The following GAPDHS variants were observed in gnomAD, a reference collection of about 807,000 sequenced individuals.
GAPDHS encodes the protein glyceraldehyde-3-phosphate dehydrogenase, spermatogenic, also known as glyceraldehyde-3-phosphate dehydrogenase, testis-specific.
A neutral mutation model predicts 48.7 loss-of-function variants in GAPDHS; 42 were observed. The ratio of observed to expected loss-of-function variants is 0.86; its 90% CI spans 0.67 to 1.12. GAPDHS has a LOEUF of 1.12. GAPDHS is among the 50% of genes most tolerant of loss of function. The probability of loss-of-function intolerance (pLI) is 0.00; values close to 1 mark genes in which losing one functional copy is unlikely to be tolerated. For synonymous variants in GAPDHS, 166 were observed against 219.1 expected, an observed-to-expected ratio of 0.76 and a Z score of 2.14; for missense variants, 512 against 557.7, an observed-to-expected ratio of 0.92 and a Z score of 0.82.
intron 2 of GAPDHS, among the ~76,000 whole-genome samples, chr19:35,537,320 G>T (rs140375374): frequency 3.9e-5 from 6 of 152,314 alleles, no homozygotes; most frequent in Non-Finnish European, 8.8e-5. Context: ...GGACCAGAGT[G>T]ATGAGACACA....
intron 7 of GAPDHS, 48 bp downstream of exon 7, chr19:35,543,074 C>A: frequency 7.1e-7 from 1 of 1,404,098 alleles, no homozygotes; most frequent in Non-Finnish European, 1.0e-6. Context: ...CAGGGAAACC[C>A]AACTTCTTCC....
At position 35,542,396 on chromosome 19, in the gene GAPDHS, TA is replaced by T; in HGVS notation, c.528del (p.Gln177ArgfsTer40). The T allele has an allele frequency of 6.2e-7, 1 of 1,602,880 alleles. No individual in the cohort carries two copies. The highest frequency in any genetic ancestry group is 2.2e-5 in the East Asian group (1 of 44,872). ...VVESTGVYLS[I>X]QAASDHISAG... is the part of the protein sequence containing the mutation. ...GAGTCCACAGGCGTGTACCTCTCCA[TA>T]CAGGCAGCTTCGGTAAGCTGGGGAG... On this transcript the variant is annotated frameshift_variant, in exon 5 of 11. Transcript: ENST00000222286. LOFTEE classifies it high-confidence loss of function.
Position 35,543,337 on chromosome 19 carries a change from A to G in GAPDHS, c.742-3A>G. 2 of 1,610,520 alleles carry G rather than the reference A, an allele frequency of 1.2e-6. No individual in the cohort carries two copies. Among genetic ancestry groups the G allele is most frequent in the Non-Finnish European group, 1.7e-6 (2 of 1,179,038 alleles). ...CCTCATCTTGGTCCTTCTCTTCCCC[A>G]AGACCACAGTCCATTCCTACACGGC... On this transcript the variant is annotated splice_polypyrimidine_tract_variant and splice_region_variant and intron_variant, in intron 7 of 10. Transcript: ENST00000222286.
chr19:35,538,429 C>A, intron 3 of GAPDHS, 26 bp downstream of exon 3: 1 of 1,365,504 alleles, frequency 7.3e-7, no homozygotes, highest in Non-Finnish European at 1.0e-6. Flanking sequence ...AGGGCAGGAA[C>A]AGCAGGGTGG....
In GAPDHS at chr19:35,538,564, C is replaced by G; in HGVS notation, c.343-13C>G. 2 of 1,536,732 alleles carry G rather than the reference C, an allele frequency of 1.3e-6. No individual in the cohort carries two copies. The highest frequency in any genetic ancestry group is 1.8e-6 in the Non-Finnish European group (2 of 1,109,790). ...TGCCACCCCAAGACTAGGAGCCATTCCATCCCCCACAGGTGTACATGTTTA... is the reference window on the plus strand; with the variant it reads ...TGCCACCCCAAGACTAGGAGCCATTGCATCCCCCACAGGTGTACATGTTTA... On this transcript the variant is annotated splice_polypyrimidine_tract_variant and intron_variant, in intron 3 of 10. Coordinates refer to ENST00000222286, the MANE Select transcript of GAPDHS (RefSeq NM_014364.5).
At position 35,545,203 on chromosome 19, in the gene GAPDHS, C is replaced by T; in HGVS notation, c.*33C>T. On this transcript the variant is annotated 3_prime_UTR_variant, in exon 11 of 11. Coordinates refer to ENST00000222286, the MANE Select transcript of GAPDHS (RefSeq NM_014364.5). Reference sequence around the variant, plus strand: ...AGGTCCTTTCTTTCCTTCCCAGGGGCCGGGGCCGGAACATGTGCCTCCCGT... The same window carrying T: ...AGGTCCTTTCTTTCCTTCCCAGGGGTCGGGGCCGGAACATGTGCCTCCCGT... 1 of 1,575,188 alleles carries T rather than the reference C, an allele frequency of 6.3e-7. No homozygotes were observed. Among genetic ancestry groups the T allele is most frequent in the Non-Finnish European group, 8.7e-7 (1 of 1,144,550 alleles).
Position 35,536,927 on chromosome 19 carries a change from AC to A in GAPDHS, c.186del (p.Ala63LeufsTer14). On this transcript the variant is annotated frameshift_variant, in exon 2 of 11. Transcript: ENST00000222286. LOFTEE classifies it high-confidence loss of function. ...IKPPPPPLPP[H>X]PATPPPKMVS... ...CCACCACCGCCACCACTGCCTCCTC[AC>A]CCCGCTACTCCTCCTCCTAAGATGG... is the stretch of plus-strand genomic sequence containing the variant. The A allele has an allele frequency of 6.2e-7, 1 of 1,613,618 alleles. No individual in the cohort carries two copies. Among genetic ancestry groups the A allele is most frequent in the African/African-American group, 1.3e-5 (1 of 74,844 alleles).
chr19:35,537,104 C>T lies in GAPDHS; in HGVS notation c.245+114C>T, dbSNP rs528846037. 5 of 889,948 alleles carry T rather than the reference C, an allele frequency of 5.6e-6. No homozygotes were observed. In the East Asian group the frequency reaches 1.3e-4, roughly 23 times the overall value. 55.1% of individuals were successfully genotyped at this position (889,948 alleles called of 1,614,324 possible). ...CCCATCAATGCTTTCGTTCCGACGA[C>T]CCTGGAGAAATAGCCCGGAGCAAGG... On this transcript the variant is annotated intron_variant, in intron 2 of 10. Transcript: ENST00000222286.
intron 2 of GAPDHS, among the ~76,000 whole-genome samples, chr19:35,537,211 G>C (rs1420648175): frequency 6.6e-6 from 1 of 152,238 alleles, no homozygotes; most frequent in Non-Finnish European, 1.5e-5. Flanking sequence ...AGTAGAGTGT[G>C]CTGGGAACAG....
At chr19:35,543,199 G>A (rs1318291924) in intron 7 of GAPDHS, 141 bp from the exon 8 acceptor site, 10 of 1,100,258 alleles carry the variant, frequency 9.1e-6, no homozygotes, top group African/African-American at 1.6e-5. Flanking sequence ...GCTGGACCCT[G>A]GCCTGCACAC....
chr19:35,542,649 G>A (rs1229076792), intron 6 of GAPDHS, 41 bp downstream of exon 6: 4 of 1,343,042 alleles, frequency 3.0e-6, no homozygotes, highest in African/African-American at 2.9e-5. Flanking sequence ...TGGAAGGGAG[G>A]GTAGACTCGT....
chr19:35,536,709 T>A, intron 1 of GAPDHS, 104 bp from the exon 2 acceptor site: 1 of 923,320 alleles, frequency 1.1e-6, no homozygotes, highest in South Asian at 1.8e-5. Context: ...AAATGGTTGG[T>A]CACGAGGGGC....
In GAPDHS at chr19:35,536,910, G is replaced by A. The variant is rs61744127; in HGVS notation, c.165G>A (p.Pro55=). ...TPVREEIKPP[P]PPLPPHPATP... ...TCAGGGAGGAAATAAAGCCACCACC[G>A]CCACCACTGCCTCCTCACCCCGCTA... The change falls in exon 2 of 11, where the codon CCG becomes CCA. Residue 55 remains proline (P), a synonymous_variant. Transcript: ENST00000222286. The A allele has an allele frequency of 1.6e-3, 2,554 of 1,613,964 alleles. 21 individuals carry two copies. The African/African-American group carries it at 0.023, about 14-fold the overall frequency.
intron 1 of GAPDHS, among the ~76,000 whole-genome samples, chr19:35,535,221 C>T (rs1312484891): frequency 2.6e-5 from 4 of 152,260 alleles, no homozygotes; most frequent in South Asian, 2.1e-4. Flanking sequence ...GTAGCTCAGG[C>T]GGCTGCTACC....
intron 1 of GAPDHS, among the ~76,000 whole-genome samples, chr19:35,536,233 C>T (rs1488187524): frequency 1.3e-5 from 2 of 152,120 alleles, no homozygotes; most frequent in Non-Finnish European, 2.9e-5. Flanking sequence ...TCTCCCCTTA[C>T]AGAGGAGGAA....
chr19:35,539,847 C>T (rs888745155), intron 4 of GAPDHS, among the ~76,000 whole-genome samples: 6 of 152,192 alleles, frequency 3.9e-5, no homozygotes, highest in Non-Finnish European at 7.3e-5. Flanking sequence ...CAGACTTCAA[C>T]GTGGCCACCA....
At position 35,533,590 on chromosome 19, in the gene GAPDHS, C is replaced by A. The variant is rs2146291071; in HGVS notation, c.63C>A (p.Cys21Ter). The change falls in exon 1 of 11, where the codon TGC becomes TGA. Residue 21 changes from cysteine (C) to a stop codon, truncating the protein, a stop_gained. Coordinates refer to ENST00000222286, the MANE Select transcript of GAPDHS (RefSeq NM_014364.5). LOFTEE classifies it high-confidence loss of function. Reference protein sequence around the residue: ...VTVVQLLRQPCPVTRAPPPPE... With the variant: ...VTVVQLLRQP Reference sequence around the variant, plus strand: ...TTGTCCAGTTGCTGCGACAGCCGTGCCCGGGTGAGGGAGGCAGCGGAGGGC... The same window carrying A: ...TTGTCCAGTTGCTGCGACAGCCGTGACCGGGTGAGGGAGGCAGCGGAGGGC... The A allele has an allele frequency of 6.2e-7, 1 of 1,610,802 alleles. No individual in the cohort carries two copies. The highest frequency in any genetic ancestry group is 1.7e-5 in the Admixed American group (1 of 59,960).
rs770522233 is a variant in GAPDHS, at chr19:35,543,475, A to G, written c.877A>G (p.Ile293Val). 6.2e-7 allele frequency: 1 copy of G among 1,604,814 alleles called. No individual in the cohort carries two copies. The highest frequency in any genetic ancestry group is 1.3e-5 in the African/African-American group (1 of 74,244). The change falls in exon 8 of 11, where the codon ATC (isoleucine) becomes GTC (valine). Residue 293 changes from isoleucine (I) to valine (V), a missense_variant. Coordinates refer to ENST00000222286, the MANE Select transcript of GAPDHS (RefSeq NM_014364.5). ...TGAAKAVTKVIPELKGKLTGM... is the reference protein window; with the variant it reads ...TGAAKAVTKVVPELKGKLTGM... Reference sequence around the variant, plus strand: ...GGCTGCGAAAGCTGTGACCAAAGTCATCCCAGAGCTCAAAGGGTATGAGGA... The same window carrying G: ...GGCTGCGAAAGCTGTGACCAAAGTCGTCCCAGAGCTCAAAGGGTATGAGGA...
chr19:35,536,145 T>C (rs1464800654), intron 1 of GAPDHS, among the ~76,000 whole-genome samples: 2 of 152,162 alleles, frequency 1.3e-5, no homozygotes, highest in Non-Finnish European at 2.9e-5. Context: ...TGTCAAACAT[T>C]TCCTCGGCTT....
Sources: gnomAD v4.1 joint callset for allele counts (sites outside exome capture counted in the v4.1 genomes callset) on GRCh38, gnomAD v4.1.1 for gene constraint, MANE v1.5 for transcripts, NCBI Gene and HGNC (gene_info 2026-07-23, HGNC 2026-07-21) for gene names.